The following CP variants were observed in gnomAD, a reference collection of about 807,000 sequenced individuals.
CP encodes caeruloplasmin.
In CP, 64 loss-of-function variants were observed where a neutral mutation model predicts 122.4. The observed-to-expected ratio is 0.52, with a 90% CI of 0.43 to 0.64. The LOEUF (loss-of-function observed/expected upper bound fraction) is 0.64. Among genes scored for constraint, CP ranks in the 30% least tolerant of loss-of-function variants. The pLI is 0.00. For missense variants in CP, 1,167 were observed against 1,284.4 expected (o/e 0.91, Z 1.40); for synonymous variants, 440 against 436.4 (o/e 1.01, Z -0.10).
At chr3:149,165,994 C>G (rs1431369120) in exon 5 of CP, 3 of 456,218 alleles carry the variant, frequency 6.6e-6, no homozygotes, top group South Asian at 3.1e-5. Context: ...AAAATAATCA[C>G]ACTGACTGTG....
intron 6 of CP, among the ~76,000 whole-genome samples, chr3:149,205,063 A>G (rs1391913440): frequency 6.6e-6 from 1 of 152,204 alleles, no homozygotes; most frequent in Non-Finnish European, 1.5e-5. Flanking sequence ...ATAGACATTT[A>G]TCTGAAGAAG....
exon 6 of CP, chr3:149,162,424 G>T: frequency 8.0e-7 from 1 of 1,244,254 alleles, no homozygotes; most frequent in Non-Finnish European, 1.2e-6. Flanking sequence ...TTTTTCATTT[G>T]TTTGTTTATT....
rs192613600 is a variant in CP at position 149,174,115 on chromosome 3, C to G, written c.3182-385G>C. On this transcript the variant is annotated intron_variant, in intron 18 of 18. Coordinates refer to ENST00000264613, the MANE Select transcript of CP (RefSeq NM_000096.4). ...TGATAGTCTTGCCAAAAGTGCATAACCTAAATCTAATCATAAGGAAACATT... is the reference window on the plus strand; with the variant it reads ...TGATAGTCTTGCCAAAAGTGCATAAGCTAAATCTAATCATAAGGAAACATT... Among the ~76,000 whole-genome samples, 20 of 152,116 alleles carry G rather than the reference C, an allele frequency of 1.3e-4. No homozygotes were observed. The East Asian group carries it at 3.9e-3, about 29-fold the overall frequency.
At chr3:149,163,655 G>C (rs1252542651) in intron 5 of CP, among the ~76,000 whole-genome samples, 2 of 152,122 alleles carry the variant, frequency 1.3e-5, no homozygotes, top group African/African-American at 2.4e-5. Context: ...ATTTAGTGTA[G>C]AAGCAAGCAA....
chr3:149,213,233 A>G (rs1409171155), intron 1 of CP, among the ~76,000 whole-genome samples: 5 of 152,214 alleles, frequency 3.3e-5, no homozygotes. Flanking sequence ...ACAGCACTAA[A>G]TCAAAGCTAG....
rs1724483478 is a variant in CP, at chr3:149,166,922, TTC to T, written c.587-874_587-873del. ...TGCATGTGCTCTAATATGGCATTCT[TTC>T]TATTTTATTTTTGGCAAGTGAGGTT... On this transcript the variant is annotated intron_variant, in intron 4 of 5. Coordinates refer to the CP transcript ENST00000479771. 29 of 823,178 alleles carry T rather than the reference TTC, an allele frequency of 3.5e-5. No homozygotes were observed. In the South Asian group the frequency reaches 3.8e-4, roughly 11 times the overall value. The allele number at this position is 823,178 out of a possible 1,614,324, so 51.0% of individuals were successfully genotyped here. A position where few individuals can be genotyped will look rare whatever the true frequency, so the allele number is the denominator to read the frequency against.
rs1040793427 is a variant in CP, at chr3:149,186,715, A to T, written c.1882T>A (p.Tyr628Asn). ...ATAGTGAGACCCGGCTGATTCCCAT[A>T]CATGAATCCATTCATGGCTGTAAAA... is the stretch of plus-strand genomic sequence containing the variant. ...NKMHSMNGFM[Y>N]GNQPGLTMCK... is the part of the protein sequence containing the mutation. Residue 628 changes from tyrosine to asparagine, a missense_variant, in exon 11 of 19, where the codon TAT becomes AAT. By Grantham distance (143) the Tyr-to-Asn change is moderately radical. Coordinates refer to ENST00000264613, the MANE Select transcript of CP (RefSeq NM_000096.4). 10 of 1,613,908 alleles carry T rather than the reference A, an allele frequency of 6.2e-6. No homozygotes were observed. In the Admixed American group the frequency reaches 1.3e-4, roughly 22 times the overall value.
chr3:149,192,915 C>T (rs756874461), intron 9 of CP, among the ~76,000 whole-genome samples: 4 of 151,848 alleles, frequency 2.6e-5, no homozygotes, highest in South Asian at 2.1e-4. Flanking sequence ...CTACACTTTA[C>T]GCAGTGATTT....
At chr3:149,186,351 G>T in intron 11 of CP, 169 bp downstream of exon 11, 1 of 684,634 alleles carries the variant, frequency 1.5e-6, no homozygotes, top group Non-Finnish European at 2.6e-6. Context: ...GACCTATCTG[G>T]TACATACTTC....
Position 149,209,375 on chromosome 3 carries a change from T to C in CP, c.617A>G (p.Asp206Gly). The C allele has an allele frequency of 6.2e-7, 1 of 1,613,334 alleles. No individual in the cohort carries two copies. Among genetic ancestry groups the C allele is most frequent in the Non-Finnish European group, 8.5e-7 (1 of 1,179,492 alleles). ...GTCAATATGTTTTTCTTTTTCTTTATCTAGAGAATCTGGAGTTAAAGTTAC... is the reference window on the plus strand; with the variant it reads ...GTCAATATGTTTTTCTTTTTCTTTACCTAGAGAATCTGGAGTTAAAGTTAC... Reference protein sequence around the residue: ...PLIICKKDSLDKEKEKHIDRE... With the variant: ...PLIICKKDSLGKEKEKHIDRE... The change falls in exon 4 of 19, where the codon GAT becomes GGT. Residue 206 changes from aspartate (D) to glycine (G), a missense_variant. Transcript: ENST00000264613.
At position 149,162,679 on chromosome 3, in the gene CP, C is replaced by T. The variant is rs751408954; in HGVS notation, c.*210G>A. ...ATCTGGAATATAGAGGCTCCTTTTA[C>T]TGTTTTTAAGGTGCTTTGTGCTAAG... is the stretch of plus-strand genomic sequence containing the variant. On this transcript the variant is annotated 3_prime_UTR_variant, in exon 6 of 6. Transcript: ENST00000479771. 6.8e-6 allele frequency: 11 copies of T among 1,613,634 alleles called. No homozygotes were observed. The highest frequency in any genetic ancestry group is 9.3e-6 in the Non-Finnish European group (11 of 1,179,756).
chr3:149,162,707 T>A (rs754819849), exon 6 of CP: 1 of 1,614,034 alleles, frequency 6.2e-7, no homozygotes. Context: ...GTGCTAAGGA[T>A]GAAGATACAA....
At chr3:149,211,711 G>A (rs1728111166) in intron 2 of CP, among the ~76,000 whole-genome samples, 1 of 152,194 alleles carries the variant, frequency 6.6e-6, no homozygotes, top group East Asian at 1.9e-4. Flanking sequence ...TAGGATGGGA[G>A]GTAACAACAG....
intron 5 of CP, among the ~76,000 whole-genome samples, chr3:149,164,348 AT>A (rs879348015): frequency 5.5e-4 from 84 of 152,304 alleles, no homozygotes; most frequent in Non-Finnish European, 1.1e-3. Flanking sequence ...AGGCACTGCT[AT>A]TTCTCTTATA....
intron 15 of CP, 142 bp from the exon 16 acceptor site, chr3:149,178,773 A>G (rs1041933624): frequency 1.1e-5 from 7 of 666,272 alleles, no homozygotes; most frequent in African/African-American, 1.8e-5. Flanking sequence ...CTGCCAATTT[A>G]GTAACTTTTC....
chr3:149,185,491 C>T (rs371674981), intron 11 of CP, 45 bp from the exon 12 acceptor site: 2 of 1,567,740 alleles, frequency 1.3e-6, no homozygotes, highest in Non-Finnish European at 1.8e-6. Flanking sequence ...TGCTAGTGCC[C>T]TCTGGGGCTC....
At chr3:149,165,917 T>C (rs773314985) in intron 5 of CP, 6 of 430,534 alleles carry the variant, frequency 1.4e-5, no homozygotes, top group South Asian at 1.0e-4. Flanking sequence ...GAATAATTTA[T>C]TAAACTTGCA....
chr3:149,216,385 A>G (rs1424708638), intron 1 of CP, among the ~76,000 whole-genome samples: 1 of 152,182 alleles, frequency 6.6e-6, no homozygotes. Context: ...CTTGCTGGCT[A>G]TGGGCCGAGA....
intron 12 of CP, among the ~76,000 whole-genome samples, chr3:149,184,027 T>A (rs1270293662): frequency 1.8e-5 from 2 of 111,190 alleles, no homozygotes; most frequent in African/African-American, 3.0e-5. Flanking sequence ...TTCACTTACT[T>A]CTTTTTTTTT....
Sources: gnomAD v4.1 joint callset for allele counts (sites outside exome capture counted in the v4.1 genomes callset) on GRCh38, gnomAD v4.1.1 for gene constraint, MANE v1.5 for transcripts, NCBI Gene and HGNC (gene_info 2026-07-23, HGNC 2026-07-21) for gene names.